Variants in LHFPL6 observed in about 807,000 individuals in gnomAD.
The protein encoded by LHFPL6 is LHFPL tetraspan subfamily member 6 protein.
In LHFPL6, 9 loss-of-function variants were observed where a neutral mutation model predicts 20.6. The observed-to-expected ratio is 0.44, with a 90% CI of 0.26 to 0.76. The LOEUF (loss-of-function observed/expected upper bound fraction) is 0.76. LHFPL6 is among the 30% of genes least tolerant of loss of function. LHFPL6 has a pLI of 0.20. For synonymous variants in LHFPL6, 105 were observed against 98.7 expected, an observed-to-expected ratio of 1.06 and a Z score of -0.38; for missense variants, 218 against 253.5, an observed-to-expected ratio of 0.86 and a Z score of 0.95.
intron 2 of LHFPL6, among the ~76,000 whole-genome samples, chr13:39,585,105 T>C (rs951860849): frequency 2.0e-5 from 3 of 152,178 alleles, no homozygotes; most frequent in Non-Finnish European, 4.4e-5. Flanking sequence ...GGTGCATTAG[T>C]AGATTACTGA....
At chr13:39,591,832 ACACCTGT>A (rs1482124381) in intron 2 of LHFPL6, among the ~76,000 whole-genome samples, 1 of 152,194 alleles carries the variant, frequency 6.6e-6, no homozygotes, top group Non-Finnish European at 1.5e-5. Flanking sequence ...GCAGTGGCTG[ACACCTGT>A]CATCCCAGCA....
In LHFPL6 at chr13:39,351,220, C is replaced by T. The variant is rs145888045; in HGVS notation, c.485-7166G>A. 8.9e-4 allele frequency among the ~76,000 whole-genome samples: 136 copies of T among 152,286 alleles called. 1 individual carries two copies. The East Asian group carries it at 0.023, about 25-fold the overall frequency. ...AAATACAAAATTAATCGTCATATAA[C>T]AGCTGTCATATATAGACAGCAAGTG... On this transcript the variant is annotated intron_variant, in intron 3 of 3. Transcript: ENST00000379589.
At chr13:39,574,438 G>C (rs1028023789) in intron 2 of LHFPL6, among the ~76,000 whole-genome samples, 12 of 149,174 alleles carry the variant, frequency 8.0e-5, no homozygotes, top group East Asian at 2.0e-4. Context: ...AGCTGAGATC[G>C]TGCCACTGCA....
intron 2 of LHFPL6, among the ~76,000 whole-genome samples, chr13:39,501,701 T>G (rs1593338218): frequency 6.6e-6 from 1 of 152,270 alleles, no homozygotes; most frequent in Non-Finnish European, 1.5e-5. Flanking sequence ...ATGTTTTCTC[T>G]CCATTTACCC....
At chr13:39,597,320 G>A (rs1210922300) in intron 2 of LHFPL6, among the ~76,000 whole-genome samples, 4 of 152,108 alleles carry the variant, frequency 2.6e-5, no homozygotes, top group Admixed American at 6.5e-5. Flanking sequence ...TAACAAATAC[G>A]CTTAATATGT....
At chr13:39,541,847 T>C (rs1413221358) in intron 2 of LHFPL6, among the ~76,000 whole-genome samples, 2 of 151,878 alleles carry the variant, frequency 1.3e-5, no homozygotes, top group African/African-American at 2.4e-5. Context: ...CCCAGCACTT[T>C]GGGAGGCCGA....
chr13:39,365,266 G>A (rs181348341), intron 3 of LHFPL6, among the ~76,000 whole-genome samples: 4 of 152,190 alleles, frequency 2.6e-5, no homozygotes, highest in East Asian at 1.9e-4. Context: ...GCATTTCCTC[G>A]TGATGTTATT....
intron 2 of LHFPL6, among the ~76,000 whole-genome samples, chr13:39,527,631 T>A (rs1029922593): frequency 1.3e-5 from 2 of 152,178 alleles, no homozygotes; most frequent in African/African-American, 4.8e-5. Flanking sequence ...TATATACTCA[T>A]CATTTTTTTG....
intron 2 of LHFPL6, among the ~76,000 whole-genome samples, chr13:39,424,288 T>C (rs982852539): frequency 6.6e-6 from 1 of 151,640 alleles, no homozygotes; most frequent in Non-Finnish European, 1.5e-5. Flanking sequence ...AGGGTCTGAA[T>C]CACACAATAA....
At chr13:39,374,031 T>C (rs1870224063) in intron 3 of LHFPL6, among the ~76,000 whole-genome samples, 1 of 152,104 alleles carries the variant, frequency 6.6e-6, no homozygotes, top group African/African-American at 2.4e-5. Context: ...TGGATATATA[T>C]ACAAAAGAAA....
intron 3 of LHFPL6, among the ~76,000 whole-genome samples, chr13:39,349,190 A>G (rs896479171): frequency 2.6e-5 from 4 of 152,224 alleles, no homozygotes; most frequent in African/African-American, 9.6e-5. Context: ...TTTACTAAGT[A>G]ATTTTTAAAA....
chr13:39,380,353 T>A (rs1870406123), intron 2 of LHFPL6, among the ~76,000 whole-genome samples: 1 of 152,070 alleles, frequency 6.6e-6, no homozygotes, highest in South Asian at 2.1e-4. Flanking sequence ...CCCCGAGCCA[T>A]GAACCAGTAT....
At chr13:39,430,098 A>T (rs973954383) in intron 2 of LHFPL6, among the ~76,000 whole-genome samples, 4 of 152,212 alleles carry the variant, frequency 2.6e-5, no homozygotes, top group South Asian at 2.1e-4. Flanking sequence ...TAGTGATCTC[A>T]TCCTTCTTGT....
chr13:39,489,510 G>C, intron 2 of LHFPL6, among the ~76,000 whole-genome samples: 1 of 151,308 alleles, frequency 6.6e-6, no homozygotes, highest in Non-Finnish European at 1.5e-5. Flanking sequence ...ACACATGTTT[G>C]TGTTAAAGGT....
At chr13:39,522,326 A>G (rs1214720021) in intron 2 of LHFPL6, among the ~76,000 whole-genome samples, 2 of 152,256 alleles carry the variant, frequency 1.3e-5, no homozygotes, top group African/African-American at 2.4e-5. Context: ...TTACACAGCT[A>G]GTAAGTGGCA....
At position 39,473,651 on chromosome 13, in the gene LHFPL6, C is replaced by T. The variant is rs539218400; in HGVS notation, c.386-95125G>A. Among the ~76,000 whole-genome samples the T allele has an allele frequency of 3.3e-5, 5 of 152,244 alleles. No homozygotes were observed. The East Asian group carries it at 9.7e-4, about 29-fold the overall frequency. On this transcript the variant is annotated intron_variant, in intron 2 of 3. Coordinates refer to ENST00000379589, the MANE Select transcript of LHFPL6 (RefSeq NM_005780.3). ...TTTCGGATACATTGACAACAGTCCC[C>T]CTCAGTTTCTACAGAAGTCCTACCT...
At chr13:39,496,741 T>C (rs935376694) in intron 2 of LHFPL6, among the ~76,000 whole-genome samples, 4 of 152,280 alleles carry the variant, frequency 2.6e-5, no homozygotes, top group Middle Eastern at 3.4e-3. Context: ...AAAGGCTAAT[T>C]ACATCTCATT....
intron 2 of LHFPL6, among the ~76,000 whole-genome samples, chr13:39,457,401 G>A (rs1008271049): frequency 3.0e-4 from 45 of 152,154 alleles, no homozygotes; most frequent in African/African-American, 8.9e-4. Context: ...AGTTATTAGG[G>A]AAATGTGAAT....
At chr13:39,535,602 A>T (rs1870592846) in intron 2 of LHFPL6, among the ~76,000 whole-genome samples, 2 of 152,210 alleles carry the variant, frequency 1.3e-5, no homozygotes, top group Admixed American at 1.3e-4. Context: ...AATTTCAGGC[A>T]CTGATCCAGG....
Sources: allele counts gnomAD v4.1 joint callset (sites outside exome capture counted in the v4.1 genomes callset), GRCh38; gene constraint gnomAD v4.1.1; transcripts MANE v1.5; gene names NCBI Gene and HGNC (gene_info 2026-07-23, HGNC 2026-07-21).